The following NINJ2 variants were observed in gnomAD, a reference collection of about 807,000 sequenced individuals.
NINJ2 encodes ninjurin-2.
NINJ2 carries 12 observed loss-of-function variants against 11.7 expected under a neutral mutation model. The observed-to-expected ratio is 1.02, with a 90% CI of 0.66 to 1.66. The LOEUF is 1.66. Among genes scored for constraint, NINJ2 ranks in the 40% most tolerant of loss-of-function variants. NINJ2 has a pLI of 0.00. For missense variants in NINJ2, 187 were observed against 181.8 expected (o/e 1.03, Z -0.16); for synonymous variants, 93 against 76.8 (o/e 1.21, Z -1.10).
intron 1 of NINJ2, among the ~76,000 whole-genome samples, chr12:637,674 C>T (rs1265446590): frequency 2.6e-5 from 4 of 151,598 alleles, no homozygotes; most frequent in African/African-American, 7.3e-5. Flanking sequence ...AAAAGAAAAA[C>T]CTTTACCCCA....
At chr12:634,265 CTTTTTTTT>C (rs67797144) in intron 1 of NINJ2, among the ~76,000 whole-genome samples, 3 of 59,526 alleles carry the variant, frequency 5.0e-5, no homozygotes, top group Non-Finnish European at 9.3e-5. Context: ...AGTTGCAGTT[CTTTTTTTT>C]TTTTTTTTTT....
chr12:598,262 C>T (rs1047340366), intron 1 of NINJ2, among the ~76,000 whole-genome samples: 2 of 152,230 alleles, frequency 1.3e-5, no homozygotes, highest in African/African-American at 4.8e-5. Context: ...GGTGTTTTCA[C>T]TGACCTCCCC....
rs761566080 is a variant in NINJ2 at position 571,679 on chromosome 12, C to T, written c.34-5501G>A. ...CCCTTTATCCCTTAATCCTTGTTGG[C>T]CTATATTTTTGTTTATTTACAGGAC... On this transcript the variant is annotated intron_variant, in intron 1 of 3. Coordinates refer to ENST00000305108, the MANE Select transcript of NINJ2 (RefSeq NM_016533.6). Among the ~76,000 whole-genome samples the T allele has an allele frequency of 9.2e-5, 14 of 152,338 alleles. No homozygotes were observed. The South Asian group carries it at 1.2e-3, about 14-fold the overall frequency.
chr12:648,776 C>G (rs1937736354), intron 1 of NINJ2, among the ~76,000 whole-genome samples: 1 of 152,184 alleles, frequency 6.6e-6, no homozygotes, highest in Admixed American at 6.5e-5. Context: ...CATTACAATC[C>G]TATTTCTCAC....
At chr12:606,996 C>T (rs1947949579) in intron 1 of NINJ2, among the ~76,000 whole-genome samples, 1 of 152,224 alleles carries the variant, frequency 6.6e-6, no homozygotes. Flanking sequence ...CTTCCGGAGG[C>T]CCGGCTGCAA....
At chr12:650,304 CAA>C (rs1565649020) in intron 1 of NINJ2, among the ~76,000 whole-genome samples, 2 of 151,912 alleles carry the variant, frequency 1.3e-5, no homozygotes, top group African/African-American at 4.8e-5. Flanking sequence ...AGGCTGGCCT[CAA>C]AGTGAGCTCA....
At position 633,558 on chromosome 12, in the gene NINJ2, G is replaced by A. The variant is rs945894197; in HGVS notation, c.33+29770C>T. 3.9e-5 allele frequency among the ~76,000 whole-genome samples: 6 copies of A among 152,122 alleles called. No individual in the cohort carries two copies. Among genetic ancestry groups the A allele is most frequent in the African/African-American group, 1.4e-4 (6 of 41,426 alleles). Reference sequence around the variant, plus strand: ...AGGCTGGGCCCAGTGGCCCATGCCCGTAATCCCAGCACTTTGGGAGGCTGA... The same window carrying A: ...AGGCTGGGCCCAGTGGCCCATGCCCATAATCCCAGCACTTTGGGAGGCTGA... On this transcript the variant is annotated intron_variant, in intron 1 of 3. Coordinates refer to ENST00000305108, the MANE Select transcript of NINJ2 (RefSeq NM_016533.6). The surrounding 1 kb of genome is among the most constrained non-coding windows in gnomAD (Gnocchi z 4.3).
intron 1 of NINJ2, among the ~76,000 whole-genome samples, chr12:638,637 G>C (rs957598213): frequency 6.6e-6 from 1 of 152,194 alleles, no homozygotes; most frequent in Non-Finnish European, 1.5e-5. Flanking sequence ...TGATGGTCTT[G>C]ATGTCCTGAC....
At position 642,648 on chromosome 12, in the gene NINJ2, C is replaced by G. The variant is rs1349740653; in HGVS notation, c.33+20680G>C. On this transcript the variant is annotated intron_variant, in intron 1 of 3. Transcript: ENST00000305108. ...GCTCCCCGGACTCTGCAGCGGGCGG[C>G]GCTGCCCACGGAGGGGGGCGGGCTG... 2.6e-5 allele frequency: 4 copies of G among 152,372 alleles called. No homozygotes were observed. In the East Asian group the frequency reaches 7.7e-4, roughly 29 times the overall value. 9.4% of individuals were successfully genotyped at this position (152,372 alleles called of 1,614,324 possible).
rs540647768 is a variant in NINJ2, at chr12:649,132, C to T, written c.33+14196G>A. 3.9e-5 allele frequency among the ~76,000 whole-genome samples: 6 copies of T among 152,040 alleles called. No homozygotes were observed. The East Asian group carries it at 5.8e-4, about 15-fold the overall frequency. Reference sequence around the variant, plus strand: ...CGCGATCTCGGCTCACTGCAACCTCCGCCTCCCGGGTTCAAGTGATTCTCC... The same window carrying T: ...CGCGATCTCGGCTCACTGCAACCTCTGCCTCCCGGGTTCAAGTGATTCTCC... On this transcript the variant is annotated intron_variant, in intron 1 of 3. Transcript: ENST00000305108.
chr12:632,897 G>A (rs577663403), intron 1 of NINJ2, among the ~76,000 whole-genome samples: 4 of 152,318 alleles, frequency 2.6e-5, no homozygotes, highest in East Asian at 1.9e-4. Flanking sequence ...GAAGCAAGCC[G>A]GGGAGGGTGC....
At chr12:570,179 G>A (rs1002263204) in intron 1 of NINJ2, among the ~76,000 whole-genome samples, 5 of 152,230 alleles carry the variant, frequency 3.3e-5, no homozygotes, top group Non-Finnish European at 7.3e-5. Context: ...CAGAAGGGAG[G>A]GGCCTCCAGC....
rs534733531 is a variant in NINJ2 at position 579,144 on chromosome 12, C to T, written c.34-12966G>A. Among the ~76,000 whole-genome samples the T allele has an allele frequency of 2.3e-4, 35 of 152,258 alleles. No homozygotes were observed. The South Asian group carries it at 6.6e-3, about 29-fold the overall frequency. On this transcript the variant is annotated intron_variant, in intron 1 of 3. Transcript: ENST00000305108. ...TTCCAAAAGGTAAGAGTTATTTCCT[C>T]GGGATTTCAGGCAATTAGAATAAGA...
At chr12:616,520 C>T (rs1365623905) in intron 1 of NINJ2, among the ~76,000 whole-genome samples, 1 of 152,204 alleles carries the variant, frequency 6.6e-6, no homozygotes, top group Non-Finnish European at 1.5e-5. Flanking sequence ...GCGTGAGCTT[C>T]ATTACAGTGA....
At chr12:615,733 C>T (rs1198099468) in intron 1 of NINJ2, among the ~76,000 whole-genome samples, 3 of 152,218 alleles carry the variant, frequency 2.0e-5, no homozygotes, top group Admixed American at 6.5e-5. Flanking sequence ...TAGTACAGCA[C>T]GTACCATGGG....
intron 1 of NINJ2, among the ~76,000 whole-genome samples, chr12:571,501 G>A (rs1020101152): frequency 6.6e-6 from 1 of 152,210 alleles, no homozygotes; most frequent in Non-Finnish European, 1.5e-5. Context: ...GGGCCTGCCC[G>A]GCACAGTCAT....
intron 1 of NINJ2, among the ~76,000 whole-genome samples, chr12:611,979 G>A (rs1031942566): frequency 6.6e-5 from 10 of 152,182 alleles, no homozygotes; most frequent in African/African-American, 2.4e-4. Context: ...GTATGACCAA[G>A]GTCTGGCTAA....
At chr12:623,014 T>C (rs1948171871) in intron 1 of NINJ2, among the ~76,000 whole-genome samples, 1 of 152,202 alleles carries the variant, frequency 6.6e-6, no homozygotes. Context: ...ATGAGACCTC[T>C]AAATGTCCCA....
chr12:597,817 C>A (rs1395306432), intron 1 of NINJ2, among the ~76,000 whole-genome samples: 1 of 152,234 alleles, frequency 6.6e-6, no homozygotes, highest in African/African-American at 2.4e-5. Context: ...GTGCAGCCAA[C>A]TCTGCACTGA....
Sources: gnomAD v4.1 joint callset for allele counts (sites outside exome capture counted in the v4.1 genomes callset) on GRCh38, gnomAD v4.1.1 for gene constraint, Gnocchi (gnomAD v3.1) non-coding constraint, MANE v1.5 for transcripts, NCBI Gene and HGNC (gene_info 2026-07-23, HGNC 2026-07-21) for gene names.